Variants in EPM2A observed in about 807,000 individuals in gnomAD.
EPM2A encodes the protein laforin.
Under a neutral mutation model 26.5 loss-of-function variants are expected in EPM2A, and 21 were observed. That is an observed-to-expected ratio of 0.79 (90% CI 0.56 to 1.14). EPM2A has a LOEUF of 1.14. EPM2A is among the 50% of genes most tolerant of loss of function. The pLI, the probability that EPM2A is intolerant of heterozygous loss-of-function variation, is 0.00. For missense variants in EPM2A, 458 were observed against 440.8 expected, an observed-to-expected ratio of 1.04 and a Z score of -0.35; for synonymous variants, 217 against 177.6, an observed-to-expected ratio of 1.22 and a Z score of -1.76.
Position 145,401,335 on chromosome 6 carries a change from C to A in EPM2A, c.556-17238G>T, listed in dbSNP as rs577406903. Among the ~76,000 whole-genome samples the A allele has an allele frequency of 4.6e-5, 7 of 152,236 alleles. 1 individual carries two copies. The South Asian group carries it at 1.5e-3, about 32-fold the overall frequency. ...TACTCTATTTTCACCTTAGCAAGAT[C>A]TGTGATCTCTCTGTTAAGGTCTGGT... On this transcript the variant is annotated intron_variant, in intron 4 of 4. Transcript: ENST00000638717.
intron 2 of EPM2A, among the ~76,000 whole-genome samples, chr6:145,662,375 T>A (rs1338908855): frequency 6.6e-6 from 1 of 152,234 alleles, no homozygotes; most frequent in Non-Finnish European, 1.5e-5. Context: ...TCCTGATTGA[T>A]CATTAATTTT....
At chr6:145,579,711 G>A (rs1031838354) in intron 2 of EPM2A, among the ~76,000 whole-genome samples, 4 of 152,114 alleles carry the variant, frequency 2.6e-5, no homozygotes, top group African/African-American at 7.2e-5. Flanking sequence ...AGTATAGCAT[G>A]TTGCTATTCA....
At chr6:145,596,959 A>ATCTCAGC (rs1554253719) in intron 2 of EPM2A, among the ~76,000 whole-genome samples, 1 of 142,504 alleles carries the variant, frequency 7.0e-6, no homozygotes, top group African/African-American at 2.6e-5. Context: ...CAGTGGCGCA[A>ATCTCAGC]TCTCGGCTCA....
At chr6:145,537,581 GTTTT>G (rs11327111) in intron 2 of EPM2A, among the ~76,000 whole-genome samples, 8 of 133,122 alleles carry the variant, frequency 6.0e-5, no homozygotes, top group Admixed American at 1.5e-4. Context: ...CCTACAAGAG[GTTTT>G]TTTTTTTTTT....
chr6:145,408,326 G>T (rs1418066803), intron 4 of EPM2A, among the ~76,000 whole-genome samples: 5 of 152,092 alleles, frequency 3.3e-5, no homozygotes, highest in African/African-American at 1.2e-4. Flanking sequence ...CTTTGGCTTT[G>T]ATTTGCATTC....
intron 2 of EPM2A, among the ~76,000 whole-genome samples, chr6:145,678,598 C>A (rs1221282337): frequency 6.6e-6 from 1 of 152,166 alleles, no homozygotes; most frequent in African/African-American, 2.4e-5. Flanking sequence ...AGGATATGAA[C>A]AGACACTTCT....
At chr6:145,386,500 G>A (rs1031058018) in intron 4 of EPM2A, among the ~76,000 whole-genome samples, 3 of 151,972 alleles carry the variant, frequency 2.0e-5, no homozygotes, top group Non-Finnish European at 4.4e-5. Context: ...ATATAATAGA[G>A]CCGTCACTAG....
intron 2 of EPM2A, among the ~76,000 whole-genome samples, chr6:145,590,360 C>T (rs982064720): frequency 6.6e-6 from 1 of 151,936 alleles, no homozygotes; most frequent in Non-Finnish European, 1.5e-5. Context: ...GAGCCTAATA[C>T]ACCTGGGGAA....
chr6:145,425,180 CTCTT>C (rs1480847480), intron 4 of EPM2A, among the ~76,000 whole-genome samples: 11 of 87,994 alleles, frequency 1.3e-4, no homozygotes, highest in African/African-American at 2.9e-4. Flanking sequence ...CTCTCACTCT[CTCTT>C]TCTTTCTTTG....
At chr6:145,430,368 G>C (rs2114691444) in intron 4 of EPM2A, among the ~76,000 whole-genome samples, 1 of 152,228 alleles carries the variant, frequency 6.6e-6, no homozygotes, top group South Asian at 2.1e-4. Flanking sequence ...GGGAGGCCAA[G>C]GCGGCCGGAT....
chr6:145,626,159 A>G lies in EPM2A; in HGVS notation c.*1257T>C. ...TCTCTTTCTTCTATTCTAGCATATCATTCATGGTCCAATCCTGCATTACAG... is the reference window on the plus strand; with the variant it reads ...TCTCTTTCTTCTATTCTAGCATATCGTTCATGGTCCAATCCTGCATTACAG... On this transcript the variant is annotated 3_prime_UTR_variant, in exon 4 of 4. Coordinates refer to ENST00000367519, the MANE Select transcript of EPM2A (RefSeq NM_005670.4). 9.8e-7 allele frequency: 1 copy of G among 1,015,256 alleles called. No individual in the cohort carries two copies. The highest frequency in any genetic ancestry group is 1.2e-6 in the Non-Finnish European group (1 of 847,548). The allele number at this position is 1,015,256 out of a possible 1,614,324, so 62.9% of individuals were successfully genotyped here.
At chr6:145,444,558 C>G (rs903638521) in intron 4 of EPM2A, among the ~76,000 whole-genome samples, 1 of 152,284 alleles carries the variant, frequency 6.6e-6, no homozygotes, top group South Asian at 2.1e-4. Context: ...TTTGTTGTGT[C>G]TCTGTCAGTT....
chr6:145,721,703 C>G (rs934241707), intron 1 of EPM2A: 1 of 152,216 alleles, frequency 6.6e-6, no homozygotes, highest in Non-Finnish European at 1.5e-5. Context: ...TCTCATATCT[C>G]AAACACATTC....
chr6:145,678,848 C>T (rs141055613), intron 2 of EPM2A, among the ~76,000 whole-genome samples: 2,389 of 152,238 alleles, frequency 0.016, 36 homozygotes, highest in Non-Finnish European at 0.025. Context: ...GTGGCAATCC[C>T]TCAAGGATCT....
intron 3 of EPM2A, chr6:145,633,940 T>G (rs1407928920): frequency 1.3e-5 from 2 of 152,216 alleles, no homozygotes; most frequent in Non-Finnish European, 2.9e-5. Context: ...GCAATAACTT[T>G]TTCATGCCTC....
At chr6:145,591,434 A>C (rs1054247930) in intron 2 of EPM2A, among the ~76,000 whole-genome samples, 12 of 152,110 alleles carry the variant, frequency 7.9e-5, no homozygotes, top group Non-Finnish European at 1.5e-4. Context: ...CCAAAGACAA[A>C]GAGAAATTAC....
At chr6:145,487,902 T>A (rs1398532066) in intron 4 of EPM2A, among the ~76,000 whole-genome samples, 1 of 152,154 alleles carries the variant, frequency 6.6e-6, no homozygotes, top group African/African-American at 2.4e-5. Context: ...CATGTGTATG[T>A]CCTAAATGGC....
At chr6:145,463,609 C>CA (rs1209061907) in intron 4 of EPM2A, among the ~76,000 whole-genome samples, 1 of 151,962 alleles carries the variant, frequency 6.6e-6, no homozygotes, top group Non-Finnish European at 1.5e-5. Context: ...ATATACATGA[C>CA]TGGTATATAT....
chr6:145,483,400 CT>C (rs754305570), intron 4 of EPM2A, among the ~76,000 whole-genome samples: 5 of 151,580 alleles, frequency 3.3e-5, no homozygotes, highest in Non-Finnish European at 5.9e-5. Context: ...GGTTTTCTCC[CT>C]GCTTAAAACA....
Sources: allele counts gnomAD v4.1 joint callset (sites outside exome capture counted in the v4.1 genomes callset), GRCh38; gene constraint gnomAD v4.1.1; transcripts MANE v1.5; gene names NCBI Gene and HGNC (gene_info 2026-07-23, HGNC 2026-07-21).